The following PAX5 variants were observed in gnomAD, a reference collection of about 807,000 sequenced individuals.
PAX5 encodes paired box protein Pax-5.
Under a neutral mutation model 43.7 loss-of-function variants are expected in PAX5, and 9 were observed. The observed-to-expected ratio is 0.21, with a 90% CI of 0.12 to 0.36. The LOEUF (loss-of-function observed/expected upper bound fraction) is 0.36, where lower values mean the gene tolerates loss of function less well. Ranked by LOEUF, PAX5 falls within the 10% of genes least tolerant of loss-of-function variation. PAX5 has a pLI of 1.00. For synonymous variants in PAX5, 228 were observed against 214.3 expected (o/e 1.06, Z -0.56); for missense variants, 383 against 532.7 (o/e 0.72, Z 2.77).
intron 8 of PAX5, among the ~76,000 whole-genome samples, chr9:36,874,638 ACAGCT>A (rs1414729518): frequency 6.6e-6 from 1 of 152,190 alleles, no homozygotes; most frequent in Admixed American, 6.5e-5. Flanking sequence ...TGCACCAACC[ACAGCT>A]GCCTCTCTGT....
intron 6 of PAX5, among the ~76,000 whole-genome samples, chr9:36,945,236 G>GTTT (rs1832392065): frequency 7.3e-5 from 11 of 150,998 alleles, no homozygotes; most frequent in South Asian, 2.1e-4. Context: ...TTTTTTTTTA[G>GTTT]TTTTTTGTTT....
At chr9:36,909,327 G>A (rs1003462135) in intron 7 of PAX5, among the ~76,000 whole-genome samples, 4 of 152,222 alleles carry the variant, frequency 2.6e-5, no homozygotes, top group Non-Finnish European at 5.9e-5. Context: ...TGGAGAGAGC[G>A]GATGTCATTG....
At chr9:36,883,267 GAACCCTAAAGCA>G (rs904317212) in intron 7 of PAX5, among the ~76,000 whole-genome samples, 2 of 152,110 alleles carry the variant, frequency 1.3e-5, no homozygotes, top group African/African-American at 4.8e-5. Context: ...TTAAAACCTT[GAACCCTAAAGCA>G]AATGTTCAGA....
chr9:36,897,618 A>T (rs761826286), intron 7 of PAX5, among the ~76,000 whole-genome samples: 1 of 151,848 alleles, frequency 6.6e-6, no homozygotes, highest in African/African-American at 2.4e-5. Context: ...GGTCTTGCCC[A>T]GAGGGCTGTG....
At chr9:37,014,214 C>T (rs569385316) in intron 3 of PAX5, among the ~76,000 whole-genome samples, 11 of 152,294 alleles carry the variant, frequency 7.2e-5, no homozygotes, top group South Asian at 6.2e-4. Flanking sequence ...GCTCTGAGAG[C>T]GCCCTTCCAT....
intron 6 of PAX5, among the ~76,000 whole-genome samples, chr9:36,957,771 T>TA (rs974622438): frequency 3.3e-5 from 5 of 152,162 alleles, no homozygotes; most frequent in African/African-American, 1.2e-4. Flanking sequence ...CTTTAATCTC[T>TA]AAAACATATG....
At chr9:36,961,985 G>A (rs1021946153) in intron 6 of PAX5, among the ~76,000 whole-genome samples, 2 of 152,180 alleles carry the variant, frequency 1.3e-5, no homozygotes, top group African/African-American at 4.8e-5. Flanking sequence ...CAACATTAAC[G>A]CCTTCCACCC....
intron 6 of PAX5, among the ~76,000 whole-genome samples, chr9:36,936,224 C>T (rs1426378580): frequency 1.3e-5 from 2 of 152,186 alleles, no homozygotes; most frequent in Non-Finnish European, 2.9e-5. Flanking sequence ...GCCCAGGACC[C>T]GGTAGTCAAA....
chr9:36,870,959 G>T (rs1276449472), intron 8 of PAX5, among the ~76,000 whole-genome samples: 3 of 152,162 alleles, frequency 2.0e-5, no homozygotes, highest in African/African-American at 4.8e-5. Flanking sequence ...CCTGGCCCAG[G>T]CTCCTCCTAG....
At chr9:36,884,244 A>G (rs1826725588) in intron 7 of PAX5, among the ~76,000 whole-genome samples, 1 of 152,248 alleles carries the variant, frequency 6.6e-6, no homozygotes, top group South Asian at 2.1e-4. Flanking sequence ...ATACATGTAA[A>G]AAGTCTACTA....
intron 9 of PAX5, among the ~76,000 whole-genome samples, chr9:36,844,656 G>C (rs890237359): frequency 3.3e-5 from 5 of 152,166 alleles, no homozygotes; most frequent in African/African-American, 4.8e-5. Flanking sequence ...CCCTGGGACA[G>C]AGTGTGCATC....
At chr9:36,959,746 T>C (rs762149026) in intron 6 of PAX5, among the ~76,000 whole-genome samples, 1 of 152,226 alleles carries the variant, frequency 6.6e-6, no homozygotes, top group East Asian at 1.9e-4. Flanking sequence ...CAGGAAACTA[T>C]CCATCTCTAA....
intron 1 of PAX5, among the ~76,000 whole-genome samples, chr9:37,033,699 C>T (rs1841234398): frequency 6.6e-6 from 1 of 152,136 alleles, no homozygotes; most frequent in African/African-American, 2.4e-5. Flanking sequence ...GTAATGAACA[C>T]ACTGAGTCCC....
intron 8 of PAX5, among the ~76,000 whole-genome samples, chr9:36,858,886 G>T (rs936184766): frequency 1.3e-5 from 2 of 152,146 alleles, no homozygotes; most frequent in Non-Finnish European, 2.9e-5. Context: ...ATGTCCCGCC[G>T]CTGACTAATG....
At chr9:37,003,575 C>T (rs529539239) in intron 4 of PAX5, among the ~76,000 whole-genome samples, 10 of 152,280 alleles carry the variant, frequency 6.6e-5, no homozygotes, top group East Asian at 1.9e-4. Context: ...CCGGGGCTCA[C>T]GCCTGTAATC....
At chr9:36,858,991 A>G (rs1311663214) in intron 8 of PAX5, among the ~76,000 whole-genome samples, 1 of 152,158 alleles carries the variant, frequency 6.6e-6, no homozygotes, top group Non-Finnish European at 1.5e-5. Flanking sequence ...TTCTGCTGAC[A>G]TATTTATGGA....
At position 36,882,092 on chromosome 9, in the gene PAX5, C is replaced by T. The variant is rs145283614; in HGVS notation, c.924G>A (p.Ala308=). Residue 308 remains alanine, a synonymous_variant, in exon 8 of 10, where the codon GCG becomes GCA. Transcript: ENST00000358127. This position sits in a 1 kb window ranked among gnomAD's most constrained non-coding sequence, Gnocchi z 4.4. ...GAGGGTACCCGGGGAGGGTCGTGCT[C>T]GCCAAGTCACGGCCTGAGGAATCAA... ...SYPIVTGRDL[A]STTLPGYPPH... The T allele has an allele frequency of 3.1e-6, 5 of 1,595,676 alleles. No individual in the cohort carries two copies. The highest frequency in any genetic ancestry group is 3.4e-5 in the Admixed American group (2 of 58,064).
In PAX5 at chr9:37,029,558, C is replaced by T. The variant is rs1014204554; in HGVS notation, c.46+4428G>A. ...CGGCCTTGGAGCAGGAAGATCGCAA[C>T]AGCAGAGAGGGACTGGGATGGAATA... On this transcript the variant is annotated intron_variant, in intron 1 of 9. Coordinates refer to ENST00000358127, the MANE Select transcript of PAX5 (RefSeq NM_016734.3). 2.0e-5 allele frequency among the ~76,000 whole-genome samples: 3 copies of T among 152,224 alleles called. No homozygotes were observed. In the East Asian group the frequency reaches 5.8e-4, roughly 29 times the overall value.
chr9:36,844,955 C>A (rs981316298), intron 9 of PAX5, among the ~76,000 whole-genome samples: 1 of 152,236 alleles, frequency 6.6e-6, no homozygotes, highest in African/African-American at 2.4e-5. Context: ...ATGACAGCCA[C>A]TATCAACCTC....
Sources: gnomAD v4.1 joint callset for allele counts (sites outside exome capture counted in the v4.1 genomes callset) on GRCh38, gnomAD v4.1.1 for gene constraint, Gnocchi (gnomAD v3.1) non-coding constraint, MANE v1.5 for transcripts, NCBI Gene and HGNC (gene_info 2026-07-23, HGNC 2026-07-21) for gene names.